The following SPINK6 variants were observed in gnomAD, a reference collection of about 807,000 sequenced individuals.
SPINK6 encodes serine peptidase inhibitor Kazal type 6, also known as serine protease inhibitor Kazal-type 6.
SPINK6 carries 13 observed loss-of-function variants against 11.7 expected under a neutral mutation model. The ratio of observed to expected loss-of-function variants is 1.11; its 90% confidence interval spans 0.72 to 1.76. SPINK6 has a LOEUF of 1.76. SPINK6 is among the 40% of genes most tolerant of loss of function. SPINK6 has a pLI of 0.00. For missense variants in SPINK6, 98 were observed against 93.7 expected (o/e 1.05, Z -0.19); for synonymous variants, 21 against 31.9 (o/e 0.66, Z 1.15).
chr5:148,204,867 A>T (rs1369997102), intron 1 of SPINK6, among the ~76,000 whole-genome samples: 1 of 152,162 alleles, frequency 6.6e-6, no homozygotes, highest in Non-Finnish European at 1.5e-5. Flanking sequence ...ACAGATTTGT[A>T]CAGTGGAGAC....
intron 2 of SPINK6, among the ~76,000 whole-genome samples, chr5:148,210,636 G>T (rs1755585374): frequency 6.6e-6 from 1 of 151,814 alleles, no homozygotes; most frequent in African/African-American, 2.4e-5. Flanking sequence ...TCTAGGAAAT[G>T]ACCATAATTA....
chr5:148,212,606 ATATATATTTATATTATATAT>A (rs1755621206), intron 2 of SPINK6, among the ~76,000 whole-genome samples: 1 of 102,128 alleles, frequency 9.8e-6, no homozygotes, highest in South Asian at 2.4e-4. Context: ...ATAATATATA[ATATATATTTATATTATATAT>A]TATATATTAT....
In SPINK6 at chr5:148,212,507, A is replaced by T. The variant is rs12653629; in HGVS notation, c.82-1403A>T. ...ATATATATATATATATAAAGTATAT[A>T]TTTTATATATATAAAGTATATATTT... On this transcript the variant is annotated intron_variant, in intron 2 of 3. Coordinates refer to ENST00000325630, the MANE Select transcript of SPINK6 (RefSeq NM_205841.4). 1.2e-3 allele frequency among the ~76,000 whole-genome samples: 155 copies of T among 128,348 alleles called. 1 individual carries two copies. Among genetic ancestry groups the T allele is most frequent in the African/African-American group, 4.4e-3 (144 of 32,690 alleles). 84.2% of individuals were successfully genotyped at this position (128,348 alleles called of 152,430 possible). A position where few individuals can be genotyped will look rare whatever the true frequency, so the allele number is the denominator to read the frequency against.
intron 3 of SPINK6, 59 bp downstream of exon 3, chr5:148,214,084 A>T: frequency 3.8e-6 from 4 of 1,057,890 alleles, no homozygotes; most frequent in Non-Finnish European, 5.7e-6. Flanking sequence ...TAATAAGACT[A>T]AGACACTTTT....
At chr5:148,212,083 T>C (rs1484767626) in intron 2 of SPINK6, among the ~76,000 whole-genome samples, 7 of 47,004 alleles carry the variant, frequency 1.5e-4, no homozygotes, top group Non-Finnish European at 6.4e-4. Context: ...ACACCAAATA[T>C]GGACTTGACA....
At chr5:148,211,913 A>G (rs1223017555) in intron 2 of SPINK6, among the ~76,000 whole-genome samples, 1 of 152,132 alleles carries the variant, frequency 6.6e-6, no homozygotes, top group African/African-American at 2.4e-5. Context: ...TTTTGAAGCA[A>G]TTGATAAACA....
At chr5:148,205,380 T>C (rs1755484056) in intron 1 of SPINK6, among the ~76,000 whole-genome samples, 1 of 152,126 alleles carries the variant, frequency 6.6e-6, no homozygotes, top group Non-Finnish European at 1.5e-5. Flanking sequence ...TCACACAAAC[T>C]AAAATTACAC....
intron 2 of SPINK6, among the ~76,000 whole-genome samples, chr5:148,210,338 A>ATG (rs1554112381): frequency 0.031 from 121 of 3,928 alleles, 35 homozygotes; most frequent in African/African-American, 0.11. Flanking sequence ...GCATACATAT[A>ATG]TATGTGTTTC....
chr5:148,213,970 T>G lies in SPINK6; in HGVS notation c.142T>G (p.Cys48Gly). Reference protein sequence around the residue: ...VYCTRESNPHCGSDGQTYGNK... With the variant: ...VYCTRESNPHGGSDGQTYGNK... ...CTGCACTCGGGAATCTAACCCACAC[T>G]GTGGCTCTGATGGCCAGACATATGG... Residue 48 changes from cysteine to glycine, a missense_variant, in exon 3 of 4, where the codon TGT becomes GGT. Cys to Gly is a radical substitution (Grantham distance 159). Coordinates refer to ENST00000325630, the MANE Select transcript of SPINK6 (RefSeq NM_205841.4). 6.2e-7 allele frequency: 1 copy of G among 1,614,004 alleles called. No homozygotes were observed.
At chr5:148,212,529 A>G (rs1755613883) in intron 2 of SPINK6, among the ~76,000 whole-genome samples, 1 of 116,832 alleles carries the variant, frequency 8.6e-6, no homozygotes, top group African/African-American at 3.6e-5. Context: ...TAAAGTATAT[A>G]TTTTATATAA....
At chr5:148,214,855 G>T in intron 3 of SPINK6, 50 bp from the exon 4 acceptor site, 1 of 1,414,370 alleles carries the variant, frequency 7.1e-7, no homozygotes, top group East Asian at 2.3e-5. Context: ...CTTCTATGGT[G>T]AGTACTTACG....
In SPINK6 at chr5:148,213,919, G is replaced by C. The variant is rs1250211748; in HGVS notation, c.91G>C (p.Gly31Arg). 2 of 1,589,784 alleles carry C rather than the reference G, an allele frequency of 1.3e-6. No homozygotes were observed. Among genetic ancestry groups the C allele is most frequent in the African/African-American group, 2.7e-5 (2 of 74,808 alleles). Reference protein sequence around the residue: ...VFSQGGQVDCGEFQDPKVYCT... With the variant: ...VFSQGGQVDCREFQDPKVYCT... ...CTGCTTACTTTGGTAGGTTGACTGT[G>C]GTGAGTTCCAGGACCCCAAGGTCTA... The change falls in exon 3 of 4, where the codon GGT becomes CGT. Residue 31 changes from glycine (G) to arginine (R), a missense_variant. By Grantham distance (125) the Gly-to-Arg change is moderately radical. Transcript: ENST00000325630.
intron 2 of SPINK6, 25 bp from the exon 3 acceptor site, chr5:148,213,885 A>G: frequency 8.2e-7 from 1 of 1,222,946 alleles, no homozygotes; most frequent in South Asian, 1.2e-5. Context: ...CACTGATGTC[A>G]ATGTCACTCT....
At chr5:148,205,809 A>G (rs148122147) in intron 1 of SPINK6, among the ~76,000 whole-genome samples, 62 of 151,854 alleles carry the variant, frequency 4.1e-4, no homozygotes, top group African/African-American at 1.4e-3. Context: ...ACCTCCAACA[A>G]TTGTTACCTC....
intron 2 of SPINK6, among the ~76,000 whole-genome samples, chr5:148,209,620 A>T (rs1755542189): frequency 6.6e-6 from 1 of 152,138 alleles, no homozygotes; most frequent in Admixed American, 6.5e-5. Flanking sequence ...TATTTGTGCA[A>T]AAGTAGCTAT....
In SPINK6 at chr5:148,210,007, C is replaced by CACATACACACGTACGTATGT. The variant is rs1755557458; in HGVS notation, c.82-3902_82-3901insCATACACACGTACGTATGTA. Among the ~76,000 whole-genome samples the CACATACACACGTACGTATGT allele has an allele frequency of 1.9e-5, 2 of 105,730 alleles. 1 individual carries two copies. The highest frequency in any genetic ancestry group is 3.7e-5 in the Non-Finnish European group (2 of 54,620). The allele number at this position is 105,730 out of a possible 152,430, so 69.4% of individuals were successfully genotyped here. On this transcript the variant is annotated intron_variant, in intron 2 of 3. Transcript: ENST00000325630. ...ATGTATACATATACACGTATGTATA[C>CACATACACACGTACGTATGT]ATGTATGTACGCATGTACGCATGCA...
chr5:148,212,628 ATATATT>A (rs1755622939), intron 2 of SPINK6, among the ~76,000 whole-genome samples: 1 of 105,788 alleles, frequency 9.5e-6, no homozygotes, highest in Admixed American at 1.3e-4. Context: ...ATTATATATT[ATATATT>A]ATATATAATA....
intron 2 of SPINK6, among the ~76,000 whole-genome samples, chr5:148,213,206 GTTTGTTTTTGTT>G (rs56093747): frequency 0.75 from 113,387 of 151,338 alleles, 47,004 homozygotes; most frequent in Middle Eastern, 0.94. Flanking sequence ...TTTTTTGTTT[GTTTGTTTTTGTT>G]TTTGTTTTTG....
chr5:148,210,810 G>A (rs1003939381), intron 2 of SPINK6, among the ~76,000 whole-genome samples: 41 of 152,002 alleles, frequency 2.7e-4, no homozygotes, highest in African/African-American at 9.9e-4. Context: ...ACCAATAGAT[G>A]TATTCTGTAT....
Sources: gnomAD v4.1 joint callset for allele counts (sites outside exome capture counted in the v4.1 genomes callset) on GRCh38, gnomAD v4.1.1 for gene constraint, MANE v1.5 for transcripts, NCBI Gene and HGNC (gene_info 2026-07-23, HGNC 2026-07-21) for gene names.